Variants in CRPPA observed in about 807,000 individuals in gnomAD.
CRPPA encodes CDP-L-ribitol pyrophosphorylase A.
CRPPA carries 43 observed loss-of-function variants against 52.0 expected under a neutral mutation model. The observed-to-expected ratio is 0.83, with a 90% confidence interval of 0.65 to 1.07. CRPPA has a LOEUF of 1.07. Among genes scored for constraint, CRPPA ranks in the 50% least tolerant of loss-of-function variants. The pLI is 0.00. For missense variants in CRPPA, 629 were observed against 551.7 expected (o/e 1.14, Z -1.40); for synonymous variants, 250 against 203.5 (o/e 1.23, Z -1.94).
At chr7:16,210,309 G>GA (rs1462338467) in intron 9 of CRPPA, among the ~76,000 whole-genome samples, 1 of 152,134 alleles carries the variant, frequency 6.6e-6, no homozygotes, top group Non-Finnish European at 1.5e-5. Flanking sequence ...AGTGTGGTAG[G>GA]CAGCATTTGA....
intron 2 of CRPPA, among the ~76,000 whole-genome samples, chr7:16,383,316 G>A (rs1787163555): frequency 1.3e-5 from 2 of 152,200 alleles, no homozygotes; most frequent in African/African-American, 4.8e-5. Flanking sequence ...GGATTTTCAT[G>A]AACCGCGAAT....
At chr7:16,181,348 C>T (rs1010828521) in intron 9 of CRPPA, among the ~76,000 whole-genome samples, 8 of 151,842 alleles carry the variant, frequency 5.3e-5, no homozygotes, top group Non-Finnish European at 1.2e-4. Context: ...AATCAGTGTT[C>T]ATTAAAATGT....
intron 9 of CRPPA, among the ~76,000 whole-genome samples, chr7:16,106,574 C>T (rs919528846): frequency 6.6e-6 from 1 of 152,186 alleles, no homozygotes; most frequent in African/African-American, 2.4e-5. Context: ...CAAGTTCTAC[C>T]CGTCTGGGGT....
intron 1 of CRPPA, among the ~76,000 whole-genome samples, chr7:16,418,982 G>C (rs1788260657): frequency 1.3e-5 from 2 of 152,134 alleles, no homozygotes; most frequent in African/African-American, 2.4e-5. Flanking sequence ...GATCCTGCTG[G>C]CCAAGACCCA....
intron 9 of CRPPA, among the ~76,000 whole-genome samples, chr7:16,192,063 T>A (rs927479841): frequency 1.3e-5 from 2 of 152,100 alleles, no homozygotes; most frequent in South Asian, 2.1e-4. Flanking sequence ...AAAAAAGGGA[T>A]GAAGTCTTCC....
chr7:16,421,230 G>A lies in CRPPA; in HGVS notation c.93C>T (p.Ser31=). The A allele has an allele frequency of 7.5e-7, 1 of 1,333,574 alleles. No homozygotes were observed. The highest frequency in any genetic ancestry group is 2.1e-5 in the South Asian group (1 of 47,330). The allele number at this position is 1,333,574 out of a possible 1,614,324, so 82.6% of individuals were successfully genotyped here. ...QRGADHTASA[S]LQSVAGTEPG... ...GCTCGGTCCCGGCCACGCTCTGCAG[G>A]GAGGCGGAAGCCGTGTGGTCCGCGC... Residue 31 remains serine (S), a synonymous_variant, in exon 1 of 10, where the codon TCC becomes TCT. Transcript: ENST00000407010.
chr7:16,208,310 T>C (rs934031022), intron 9 of CRPPA, among the ~76,000 whole-genome samples: 3 of 152,208 alleles, frequency 2.0e-5, no homozygotes, highest in African/African-American at 7.2e-5. Flanking sequence ...TTTGCCAGTT[T>C]AATATGTCTT....
At chr7:16,254,817 GAAAGAAAGAAA>G (rs1358396745) in intron 8 of CRPPA, among the ~76,000 whole-genome samples, 3 of 144,850 alleles carry the variant, frequency 2.1e-5, no homozygotes, top group Non-Finnish European at 4.6e-5. Context: ...AAGAAAGAAA[GAAAGAAAGAAA>G]GAAAGAAAGA....
intron 3 of CRPPA, among the ~76,000 whole-genome samples, chr7:16,315,264 T>C (rs1400601667): frequency 6.6e-6 from 1 of 152,182 alleles, no homozygotes; most frequent in Non-Finnish European, 1.5e-5. Context: ...ACATCTGTTC[T>C]TGTTGCTATC....
chr7:16,383,763 A>G (rs1462101714), intron 2 of CRPPA, among the ~76,000 whole-genome samples: 1 of 152,204 alleles, frequency 6.6e-6, no homozygotes, highest in Non-Finnish European at 1.5e-5. Flanking sequence ...TGCGCTAGCA[A>G]TCAGCGAGAC....
chr7:16,356,301 C>T (rs1786293053), intron 3 of CRPPA, among the ~76,000 whole-genome samples: 1 of 152,138 alleles, frequency 6.6e-6, no homozygotes, highest in African/African-American at 2.4e-5. Context: ...GGTAAAATAC[C>T]ACAACTCAGA....
chr7:16,346,631 G>A lies in CRPPA; in HGVS notation c.684+29461C>T, dbSNP rs185991043. 4.4e-3 allele frequency among the ~76,000 whole-genome samples: 671 copies of A among 152,186 alleles called. 7 individuals carry two copies. The highest frequency in any genetic ancestry group is 2.9e-3 in the South Asian group (14 of 4,818). ...GTCATAATTTTTTTATTTCTCTGTG[G>A]TAGAATAATGTACTCACACCCTTGT... On this transcript the variant is annotated intron_variant, in intron 3 of 9. Coordinates refer to ENST00000407010, the MANE Select transcript of CRPPA (RefSeq NM_001101426.4).
Position 16,351,964 on chromosome 7 carries a change from G to A in CRPPA, c.684+24128C>T, listed in dbSNP as rs561567348. On this transcript the variant is annotated intron_variant, in intron 3 of 9. Coordinates refer to ENST00000407010, the MANE Select transcript of CRPPA (RefSeq NM_001101426.4). ...TTCTACAATAAAGACACATGCATAC[G>A]TATGTTTATTGCAGCACTATTTACA... is the stretch of plus-strand genomic sequence containing the variant. Among the ~76,000 whole-genome samples the A allele has an allele frequency of 2.6e-5, 4 of 152,178 alleles. No homozygotes were observed. The South Asian group carries it at 8.3e-4, about 32-fold the overall frequency.
intron 9 of CRPPA, among the ~76,000 whole-genome samples, chr7:16,183,648 G>C (rs547272620): frequency 4.5e-4 from 68 of 152,074 alleles, no homozygotes; most frequent in Non-Finnish European, 9.3e-4. Context: ...CAGGCATAGG[G>C]CTCTAAACTT....
chr7:16,267,695 C>T (rs369127154), intron 6 of CRPPA, among the ~76,000 whole-genome samples: 15 of 152,108 alleles, frequency 9.9e-5, no homozygotes, highest in Middle Eastern at 3.4e-3. Flanking sequence ...AAGTTTACAA[C>T]GTAATTTAAT....
At chr7:16,340,756 T>C (rs1293014602) in intron 3 of CRPPA, among the ~76,000 whole-genome samples, 3 of 152,116 alleles carry the variant, frequency 2.0e-5, no homozygotes, top group Admixed American at 6.5e-5. Flanking sequence ...TACTCCTTAA[T>C]GTTTACCCAA....
rs1244574216 is a variant in CRPPA, at chr7:16,376,096, T to C, written c.680A>G (p.Gln227Arg). ...FLFDVIYEAY[Q>R]QCSDYDLEFG... ...TCAAAAAGCCCAAATTCTTACCTGCTGATATGCTTCATAAATCACATCAAA... is the reference window on the plus strand; with the variant it reads ...TCAAAAAGCCCAAATTCTTACCTGCCGATATGCTTCATAAATCACATCAAA... The change falls in exon 3 of 10, where the codon CAG becomes CGG. Residue 227 changes from glutamine (Q) to arginine (R), a missense_variant. By Grantham distance (43) the Gln-to-Arg change is conservative. Coordinates refer to ENST00000407010, the MANE Select transcript of CRPPA (RefSeq NM_001101426.4). The C allele has an allele frequency of 1.9e-6, 3 of 1,583,314 alleles. No homozygotes were observed. The highest frequency in any genetic ancestry group is 2.3e-5 in the South Asian group (2 of 86,508).
chr7:16,420,942 C>G, intron 1 of CRPPA, 124 bp downstream of exon 1: 1 of 871,580 alleles, frequency 1.1e-6, no homozygotes, highest in East Asian at 3.3e-5. Flanking sequence ...AGAGCTCAAG[C>G]TTGAATAACT....
rs146499696 is a variant in CRPPA at position 16,318,796 on chromosome 7, A to G, written c.685-10169T>C. Among the ~76,000 whole-genome samples the G allele has an allele frequency of 2.7e-3, 414 of 152,324 alleles. 2 individuals are homozygous for G. Among genetic ancestry groups the G allele is most frequent in the Middle Eastern group, 6.8e-3 (2 of 294 alleles). On this transcript the variant is annotated intron_variant, in intron 3 of 9. Coordinates refer to ENST00000407010, the MANE Select transcript of CRPPA (RefSeq NM_001101426.4). ...AAAAATCTCACTTCCAAAGCAAGTC[A>G]GGCAAGCAAATCAAGGAGAAGGGAA...
Sources: gnomAD v4.1 joint callset for allele counts (sites outside exome capture counted in the v4.1 genomes callset) on GRCh38, gnomAD v4.1.1 for gene constraint, MANE v1.5 for transcripts, NCBI Gene and HGNC (gene_info 2026-07-23, HGNC 2026-07-21) for gene names.